TBC1D19: variants seen among roughly 807,000 people sequenced by gnomAD.
The protein encoded by TBC1D19 is TBC1 domain family member 19, also known as TBC1 domain family, member 19.
A neutral mutation model predicts 89.0 loss-of-function variants in TBC1D19; 60 were observed. That is an observed-to-expected ratio of 0.67 (90% CI 0.55 to 0.84). TBC1D19 has a LOEUF of 0.84. Among genes scored for constraint, TBC1D19 ranks in the 40% least tolerant of loss-of-function variants. The pLI is 0.00. For synonymous variants in TBC1D19, 189 were observed against 199.7 expected (o/e 0.95, Z 0.45); for missense variants, 500 against 610.8 (o/e 0.82, Z 1.91).
intron 11 of TBC1D19, among the ~76,000 whole-genome samples, chr4:26,679,656 C>T (rs923991439): frequency 1.3e-5 from 2 of 152,210 alleles, no homozygotes; most frequent in African/African-American, 4.8e-5. Context: ...TCACTAACAG[C>T]TTGCACTGTG....
At chr4:26,673,715 A>G in intron 10 of TBC1D19, 61 bp from the exon 11 acceptor site, 3 of 1,043,282 alleles carry the variant, frequency 2.9e-6, no homozygotes, top group Non-Finnish European at 1.5e-6. Context: ...ATAATTGAAG[A>G]TTTCAGTGAT....
intron 8 of TBC1D19, among the ~76,000 whole-genome samples, chr4:26,662,521 G>A (rs1745279494): frequency 6.6e-6 from 1 of 152,174 alleles, no homozygotes; most frequent in Admixed American, 6.5e-5. Flanking sequence ...CAGAGGGAAT[G>A]TAATTAAGTT....
the TBC1D19 span, among the ~76,000 whole-genome samples, chr4:26,775,013 A>T: frequency 6.6e-6 from 1 of 152,334 alleles, no homozygotes; most frequent in Middle Eastern, 3.4e-3. Flanking sequence ...TTTTGTAAAA[A>T]TGACTTTTCT....
Position 26,653,833 on chromosome 4 carries a change from C to T in TBC1D19, c.481-5764C>T, listed in dbSNP as rs1744588095. 2.6e-5 allele frequency among the ~76,000 whole-genome samples: 4 copies of T among 152,110 alleles called. No individual in the cohort carries two copies. The South Asian group carries it at 6.2e-4, about 24-fold the overall frequency. Reference sequence around the variant, plus strand: ...GGGTCTTTACTCTTTCTCCAATGTGCCAGTCTGTGTCTTTTAATTGGGGAA... The same window carrying T: ...GGGTCTTTACTCTTTCTCCAATGTGTCAGTCTGTGTCTTTTAATTGGGGAA... On this transcript the variant is annotated intron_variant, in intron 7 of 20. Coordinates refer to ENST00000264866, the MANE Select transcript of TBC1D19 (RefSeq NM_018317.4).
chr4:26,728,725 T>A (rs1166649681), intron 15 of TBC1D19, among the ~76,000 whole-genome samples: 1 of 152,162 alleles, frequency 6.6e-6, no homozygotes, highest in Non-Finnish European at 1.5e-5. Context: ...TAAAGAGCCT[T>A]ACTATTGGCC....
At chr4:26,606,193 A>G (rs1740988184) in intron 1 of TBC1D19, among the ~76,000 whole-genome samples, 1 of 152,160 alleles carries the variant, frequency 6.6e-6, no homozygotes, top group Admixed American at 6.5e-5. Context: ...CCTGCGACTG[A>G]AAAGTTTGAA....
At chr4:26,699,601 T>G (rs1254314114) in intron 13 of TBC1D19, among the ~76,000 whole-genome samples, 2 of 152,148 alleles carry the variant, frequency 1.3e-5, no homozygotes, top group Non-Finnish European at 2.9e-5. Flanking sequence ...TAGCAAAGAC[T>G]TGCAACCAAC....
At chr4:26,674,014 A>G in intron 11 of TBC1D19, 126 bp downstream of exon 11, 1 of 531,674 alleles carries the variant, frequency 1.9e-6, no homozygotes, top group Non-Finnish European at 3.4e-6. Context: ...TAAATTTTCA[A>G]AATCACTATA....
At position 26,662,365 on chromosome 4, in the gene TBC1D19, G is replaced by A. The variant is rs1406080092; in HGVS notation, c.591+2658G>A. 2.0e-5 allele frequency among the ~76,000 whole-genome samples: 3 copies of A among 152,132 alleles called. No homozygotes were observed. In the East Asian group the frequency reaches 5.8e-4, roughly 29 times the overall value. On this transcript the variant is annotated intron_variant, in intron 8 of 20. Coordinates refer to ENST00000264866, the MANE Select transcript of TBC1D19 (RefSeq NM_018317.4). ...CCAAAAAATACATATCAATAGATGA[G>A]TTGAAAACAAAGCTGAGGAAATCTT...
intron 13 of TBC1D19, among the ~76,000 whole-genome samples, chr4:26,709,284 A>G (rs1420166586): frequency 6.6e-6 from 1 of 151,972 alleles, no homozygotes; most frequent in Non-Finnish European, 1.5e-5. Flanking sequence ...TTTCCCCCTT[A>G]TACACAGTTG....
chr4:26,736,381 C>CA (rs1553915488), intron 16 of TBC1D19, among the ~76,000 whole-genome samples: 2 of 136,626 alleles, frequency 1.5e-5, no homozygotes, highest in Non-Finnish European at 3.1e-5. Flanking sequence ...ACATCACACT[C>CA]TGGGGACTGT....
chr4:26,844,730 C>T, the TBC1D19 span, among the ~76,000 whole-genome samples: 1 of 151,836 alleles, frequency 6.6e-6, no homozygotes, highest in East Asian at 1.9e-4. Context: ...CCTGTTTTTT[C>T]CTTTGCTGTC....
chr4:26,813,682 T>A, the TBC1D19 span, among the ~76,000 whole-genome samples: 1 of 152,206 alleles, frequency 6.6e-6, no homozygotes, highest in Non-Finnish European at 1.5e-5. Flanking sequence ...TTGTGTTAGG[T>A]ATTTTTCAGG....
chr4:26,738,875 A>G (rs1718190168), intron 16 of TBC1D19, among the ~76,000 whole-genome samples: 1 of 152,186 alleles, frequency 6.6e-6, no homozygotes, highest in Non-Finnish European at 1.5e-5. Flanking sequence ...AAAAGAAGAG[A>G]GCACAACTGG....
intron 1 of TBC1D19, among the ~76,000 whole-genome samples, chr4:26,609,918 C>T (rs1208415841): frequency 2.6e-5 from 4 of 151,918 alleles, no homozygotes; most frequent in Admixed American, 6.6e-5. Flanking sequence ...TGGAGCTTAC[C>T]GCTTGCAATG....
the TBC1D19 span, among the ~76,000 whole-genome samples, chr4:26,810,794 A>G: frequency 6.6e-6 from 1 of 152,198 alleles, no homozygotes; most frequent in Admixed American, 6.5e-5. Flanking sequence ...CCCACTAGAC[A>G]GTAAGTTCCA....
chr4:26,724,137 C>T (rs1451947258), intron 15 of TBC1D19, among the ~76,000 whole-genome samples: 1 of 152,160 alleles, frequency 6.6e-6, no homozygotes, highest in Non-Finnish European at 1.5e-5. Flanking sequence ...TGAAGCTCAC[C>T]AAGATGGCCA....
At chr4:26,807,582 C>G in the TBC1D19 span, among the ~76,000 whole-genome samples, 1 of 152,224 alleles carries the variant, frequency 6.6e-6, no homozygotes, top group Non-Finnish European at 1.5e-5. Flanking sequence ...ATATTTCCTA[C>G]TAGAACCGCC....
the TBC1D19 span, among the ~76,000 whole-genome samples, chr4:26,761,747 T>A: frequency 6.6e-6 from 1 of 152,188 alleles, no homozygotes; most frequent in Non-Finnish European, 1.5e-5. Flanking sequence ...TCACCTAATT[T>A]TAAAGGAAAT....
Sources: gnomAD v4.1 joint callset for allele counts (sites outside exome capture counted in the v4.1 genomes callset) on GRCh38, gnomAD v4.1.1 for gene constraint, MANE v1.5 for transcripts, NCBI Gene and HGNC (gene_info 2026-07-23, HGNC 2026-07-21) for gene names.